The following LBH variants were observed in gnomAD, a reference collection of about 807,000 sequenced individuals.
LBH encodes protein LBH.
LBH carries 7 observed loss-of-function variants against 12.5 expected under a neutral mutation model. That is an observed-to-expected ratio of 0.56 (90% CI 0.32 to 1.05). LBH has a LOEUF of 1.05. Ranked by LOEUF, LBH falls within the 50% of genes least tolerant of loss-of-function variation. The probability of loss-of-function intolerance (pLI) is 0.04; values close to 1 mark genes in which losing one functional copy is unlikely to be tolerated. For synonymous variants in LBH, 51 were observed against 50.1 expected (o/e 1.02, Z -0.08); for missense variants, 119 against 138.9 (o/e 0.86, Z 0.72).
chr2:30,232,107 T>C, intron 1 of LBH: 1 of 1,538,920 alleles, frequency 6.5e-7, no homozygotes, highest in Non-Finnish European at 8.8e-7. Context: ...GCGCCCCACT[T>C]GGCGCAGGGG....
At chr2:30,249,292 G>A (rs1372856388) in intron 2 of LBH, among the ~76,000 whole-genome samples, 1 of 152,184 alleles carries the variant, frequency 6.6e-6, no homozygotes, top group Non-Finnish European at 1.5e-5. Flanking sequence ...ATTGTTAGGG[G>A]GCAAAGAACA....
At chr2:30,240,420 G>A (rs759141640) in intron 2 of LBH, among the ~76,000 whole-genome samples, 2 of 152,154 alleles carry the variant, frequency 1.3e-5, no homozygotes, top group Non-Finnish European at 2.9e-5. Context: ...GCAGGCCTGA[G>A]TCCTGAAGTA....
intron 2 of LBH, among the ~76,000 whole-genome samples, chr2:30,249,355 A>G (rs1677933242): frequency 6.6e-6 from 1 of 152,238 alleles, no homozygotes; most frequent in African/African-American, 2.4e-5. Context: ...CCCTTGGCAG[A>G]GCAGGATGCT....
At chr2:30,255,238 T>TG (rs895405338) in intron 2 of LBH, among the ~76,000 whole-genome samples, 1 of 152,196 alleles carries the variant, frequency 6.6e-6, no homozygotes, top group African/African-American at 2.4e-5. Context: ...TCACAGCCCA[T>TG]GGGGGGCTCT....
In LBH at chr2:30,257,734, G is replaced by A. The variant is rs1016350798; in HGVS notation, c.*113G>A. 9.1e-6 allele frequency: 7 copies of A among 770,932 alleles called. No homozygotes were observed. The highest frequency in any genetic ancestry group is 3.4e-5 in the Admixed American group (1 of 29,382). The allele number at this position is 770,932 out of a possible 1,614,324, so 47.8% of individuals were successfully genotyped here. On this transcript the variant is annotated 3_prime_UTR_variant, in exon 3 of 3. Transcript: ENST00000395323. Reference sequence around the variant, plus strand: ...CGCAATTGTTCTGAAAATGTCAAACGAGGCTTCTGTTTTGCACCTGCAGAT... The same window carrying A: ...CGCAATTGTTCTGAAAATGTCAAACAAGGCTTCTGTTTTGCACCTGCAGAT...
At chr2:30,254,121 A>G (rs1678036298) in intron 2 of LBH, among the ~76,000 whole-genome samples, 1 of 152,234 alleles carries the variant, frequency 6.6e-6, no homozygotes, top group South Asian at 2.1e-4. Flanking sequence ...GATACGTTCC[A>G]GGACACACAG....
rs1427788933 is a variant in LBH, at chr2:30,259,062, T to C, written c.*1441T>C. ...AAATGCTTCAGTCCGCCGAGAGCAG[T>C]ACCGTGTGGCCAAGAGGTGGACTCA... On this transcript the variant is annotated 3_prime_UTR_variant, in exon 3 of 3. Coordinates refer to ENST00000395323, the MANE Select transcript of LBH (RefSeq NM_030915.4). The C allele has an allele frequency of 3.9e-5, 6 of 152,678 alleles. No individual in the cohort carries two copies. Among genetic ancestry groups the C allele is most frequent in the Non-Finnish European group, 5.9e-5 (4 of 68,078 alleles). The allele number at this position is 152,678 out of a possible 1,614,324, so 9.5% of individuals were successfully genotyped here.
chr2:30,253,790 T>C (rs1678028831), intron 2 of LBH, among the ~76,000 whole-genome samples: 1 of 152,192 alleles, frequency 6.6e-6, no homozygotes, highest in African/African-American at 2.4e-5. Flanking sequence ...TTATCATCTT[T>C]ATATTTGCCA....
chr2:30,255,068 A>G (rs114997742), intron 2 of LBH, among the ~76,000 whole-genome samples: 1,818 of 152,386 alleles, frequency 0.012, 39 homozygotes, highest in African/African-American at 0.04. Flanking sequence ...TGGCTCTGCC[A>G]TGTGACCCAC....
rs1678152194 is a variant in LBH at position 30,259,461 on chromosome 2, C to G, written c.*1840C>G. On this transcript the variant is annotated 3_prime_UTR_variant, in exon 3 of 3. Transcript: ENST00000395323. ...TCCCCGCTTCGTTCTGTTTTGGCTG[C>G]AGAGAGTGGTTCATCCATACTCTCA... is the stretch of plus-strand genomic sequence containing the variant. 6.5e-6 allele frequency: 1 copy of G among 153,046 alleles called. No individual in the cohort carries two copies. The highest frequency in any genetic ancestry group is 2.1e-4 in the South Asian group (1 of 4,820). The allele number at this position is 153,046 out of a possible 1,614,324, so 9.5% of individuals were successfully genotyped here.
At chr2:30,242,993 T>C (rs868760059) in intron 2 of LBH, among the ~76,000 whole-genome samples, 8 of 152,200 alleles carry the variant, frequency 5.3e-5, no homozygotes, top group East Asian at 1.9e-4. Flanking sequence ...ATCAAAGAGT[T>C]TATCAAAATA....
Position 30,250,105 on chromosome 2 carries a change from T to C in LBH, c.130-7328T>C, listed in dbSNP as rs75398789. ...AGATGGAGGCGAGGAAAAAGCCAGA[T>C]CCTTCGGACTCTGTGGTCTGCCTGT... is the stretch of plus-strand genomic sequence containing the variant. On this transcript the variant is annotated intron_variant, in intron 2 of 2. Coordinates refer to ENST00000395323, the MANE Select transcript of LBH (RefSeq NM_030915.4). 7.2e-5 allele frequency among the ~76,000 whole-genome samples: 11 copies of C among 152,270 alleles called. No homozygotes were observed. In the East Asian group the frequency reaches 2.1e-3, roughly 29 times the overall value.
At chr2:30,250,656 T>C (rs3813658) in intron 2 of LBH, among the ~76,000 whole-genome samples, 71,348 of 151,608 alleles carry the variant, frequency 0.47, 17,513 homozygotes, top group Admixed American at 0.6. Flanking sequence ...GCCCGGTCCC[T>C]AAATTTGGGG....
At chr2:30,256,520 G>T (rs902573384) in intron 2 of LBH, 1 of 151,242 alleles carries the variant, frequency 6.6e-6, no homozygotes. Context: ...TCCAGTTTTT[G>T]TTTTTTTTTA....
chr2:30,237,149 C>T (rs1260254443), intron 2 of LBH, among the ~76,000 whole-genome samples: 2 of 152,166 alleles, frequency 1.3e-5, no homozygotes, highest in South Asian at 2.1e-4. Flanking sequence ...CTGTTCTTGG[C>T]ATTCCTCCTA....
intron 2 of LBH, among the ~76,000 whole-genome samples, chr2:30,252,498 TA>T (rs1677998857): frequency 6.6e-6 from 1 of 152,080 alleles, no homozygotes; most frequent in Admixed American, 6.5e-5. Context: ...TCGTCTCTAC[TA>T]AAAATACAAA....
chr2:30,235,134 CA>C (rs1677667188), intron 2 of LBH, among the ~76,000 whole-genome samples: 1 of 152,244 alleles, frequency 6.6e-6, no homozygotes, highest in East Asian at 1.9e-4. Context: ...ACAAGGATCA[CA>C]AAAAGGGACC....
At chr2:30,241,559 A>G (rs1398118634) in intron 2 of LBH, among the ~76,000 whole-genome samples, 2 of 149,362 alleles carry the variant, frequency 1.3e-5, no homozygotes, top group Non-Finnish European at 3.0e-5. Context: ...TCCCAGGTTC[A>G]AGGGATTCTC....
chr2:30,240,041 G>A (rs557780414), intron 2 of LBH, among the ~76,000 whole-genome samples: 13 of 152,310 alleles, frequency 8.5e-5, no homozygotes, highest in Admixed American at 7.2e-4. Context: ...CAAGGGGCCT[G>A]TGTTGGGCCT....
Sources: gnomAD v4.1 joint callset for allele counts (sites outside exome capture counted in the v4.1 genomes callset) on GRCh38, gnomAD v4.1.1 for gene constraint, MANE v1.5 for transcripts, NCBI Gene and HGNC (gene_info 2026-07-23, HGNC 2026-07-21) for gene names.